PCDH15: variants seen among roughly 807,000 people sequenced by gnomAD.
The protein encoded by PCDH15 is protocadherin-15.
PCDH15 carries 129 observed loss-of-function variants against 178.5 expected under a neutral mutation model. That is an observed-to-expected ratio of 0.72 (90% CI 0.63 to 0.84). The LOEUF is 0.84. PCDH15 is among the 40% of genes least tolerant of loss of function. PCDH15 has a pLI of 0.00. For missense variants in PCDH15, 2,230 were observed against 2,099.9 expected (o/e 1.06, Z -1.21); for synonymous variants, 800 against 732.0 (o/e 1.09, Z -1.50).
chr10:55,615,316 G>GT (rs1348893810), intron 2 of PCDH15, among the ~76,000 whole-genome samples: 1 of 152,040 alleles, frequency 6.6e-6, no homozygotes, highest in African/African-American at 2.4e-5. Context: ...AAAAACAGTA[G>GT]TAAACAATAA....
intron 2 of PCDH15, among the ~76,000 whole-genome samples, chr10:55,512,400 C>A (rs1195437692): frequency 6.6e-6 from 1 of 152,022 alleles, no homozygotes; most frequent in Non-Finnish European, 1.5e-5. Flanking sequence ...CACTTCCACA[C>A]AGTGTTTTTA....
chr10:53,860,285 C>T (rs2079016818), intron 27 of PCDH15, among the ~76,000 whole-genome samples: 1 of 152,146 alleles, frequency 6.6e-6, no homozygotes, highest in Admixed American at 6.6e-5. Flanking sequence ...ACTGGGAACA[C>T]ACAGTCGATT....
intron 11 of PCDH15, among the ~76,000 whole-genome samples, chr10:54,193,219 C>T (rs933265683): frequency 8.5e-5 from 13 of 152,068 alleles, no homozygotes; most frequent in African/African-American, 2.9e-4. Context: ...CCTTGGAACA[C>T]AATTTTAACA....
intron 1 of PCDH15, among the ~76,000 whole-genome samples, chr10:55,214,924 G>A (rs899982001): frequency 1.4e-4 from 21 of 152,108 alleles, no homozygotes; most frequent in Admixed American, 3.9e-4. Context: ...TAATGGTAGT[G>A]CTTCTGGCTA....
At chr10:54,058,284 C>A (rs1466890623) in intron 18 of PCDH15, among the ~76,000 whole-genome samples, 5 of 152,178 alleles carry the variant, frequency 3.3e-5, no homozygotes. Context: ...TGCTAATAAA[C>A]ACATACCTGA....
chr10:54,466,431 G>T (rs75366436), intron 3 of PCDH15, among the ~76,000 whole-genome samples: 1 of 151,694 alleles, frequency 6.6e-6, no homozygotes, highest in Non-Finnish European at 1.5e-5. Flanking sequence ...ATTGAAGAGG[G>T]TGTATTTTCC....
intron 1 of PCDH15, among the ~76,000 whole-genome samples, chr10:55,279,305 C>T (rs866447334): frequency 1.3e-5 from 2 of 152,034 alleles, no homozygotes; most frequent in African/African-American, 2.4e-5. Flanking sequence ...AGTAGATGTG[C>T]GTGGAAATTA....
intron 2 of PCDH15, among the ~76,000 whole-genome samples, chr10:55,363,415 TA>T (rs1340197065): frequency 6.6e-6 from 1 of 152,184 alleles, no homozygotes; most frequent in Non-Finnish European, 1.5e-5. Flanking sequence ...AGTTTTATTT[TA>T]TTTGAAATAA....
At chr10:54,974,982 G>T (rs1423564929) in intron 2 of PCDH15, among the ~76,000 whole-genome samples, 8 of 152,010 alleles carry the variant, frequency 5.3e-5, no homozygotes, top group Non-Finnish European at 1.2e-4. Context: ...AAGACCTCAG[G>T]TCAAGTCCTA....
chr10:55,573,955 C>T (rs1026474328), intron 2 of PCDH15, among the ~76,000 whole-genome samples: 3 of 151,684 alleles, frequency 2.0e-5, no homozygotes, highest in African/African-American at 7.3e-5. Flanking sequence ...GAAAAACATG[C>T]TAGGTCATAG....
chr10:54,111,174 G>A (rs537921221), intron 15 of PCDH15, among the ~76,000 whole-genome samples: 1 of 152,176 alleles, frequency 6.6e-6, no homozygotes, highest in Non-Finnish European at 1.5e-5. Context: ...CTGACAGCAT[G>A]TGAAGCAATA....
intron 13 of PCDH15, among the ~76,000 whole-genome samples, chr10:54,183,034 T>G (rs551782062): frequency 2.0e-5 from 3 of 151,824 alleles, no homozygotes; most frequent in Non-Finnish European, 4.4e-5. Context: ...CAGGCTGGAG[T>G]GTGATGGCAT....
chr10:54,292,450 T>C (rs2059480498), intron 8 of PCDH15, among the ~76,000 whole-genome samples: 1 of 152,178 alleles, frequency 6.6e-6, no homozygotes, highest in African/African-American at 2.4e-5. Context: ...CTTTTCAACA[T>C]AGTGTTGGAA....
intron 3 of PCDH15, among the ~76,000 whole-genome samples, chr10:54,414,974 A>G (rs1954106678): frequency 6.6e-6 from 1 of 152,130 alleles, no homozygotes; most frequent in Admixed American, 6.5e-5. Flanking sequence ...ATTGGTAAGT[A>G]TTTGCATCAA....
intron 21 of PCDH15, among the ~76,000 whole-genome samples, chr10:53,979,491 G>T (rs2090447969): frequency 6.6e-6 from 1 of 152,162 alleles, no homozygotes; most frequent in Non-Finnish European, 1.5e-5. Context: ...CACCCTCTAA[G>T]AATTTATTTA....
intron 13 of PCDH15, among the ~76,000 whole-genome samples, chr10:54,174,628 C>T (rs533617120): frequency 9.4e-4 from 142 of 151,078 alleles, no homozygotes; most frequent in African/African-American, 3.4e-3. Context: ...GAGTATGTTT[C>T]AAGAATAACT....
At chr10:54,696,609 G>A (rs1042415085) in intron 1 of PCDH15, among the ~76,000 whole-genome samples, 1 of 151,710 alleles carries the variant, frequency 6.6e-6, no homozygotes, top group South Asian at 2.1e-4. Flanking sequence ...AAGAAGAAAA[G>A]TAGCACTGGC....
At chr10:53,865,951 T>C (rs1204765439) in intron 27 of PCDH15, among the ~76,000 whole-genome samples, 2 of 152,154 alleles carry the variant, frequency 1.3e-5, no homozygotes, top group Non-Finnish European at 2.9e-5. Context: ...TGCTTTCAAG[T>C]TGGTAAAGAG....
At chr10:55,016,612 A>G (rs1840187665) in intron 2 of PCDH15, among the ~76,000 whole-genome samples, 1 of 152,162 alleles carries the variant, frequency 6.6e-6, no homozygotes, top group Admixed American at 6.6e-5. Flanking sequence ...GTAGTACTTC[A>G]TTGTGTATAT....
Sources: allele counts gnomAD v4.1 joint callset (sites outside exome capture counted in the v4.1 genomes callset), GRCh38; gene constraint gnomAD v4.1.1; transcripts MANE v1.5; gene names NCBI Gene and HGNC (gene_info 2026-07-23, HGNC 2026-07-21).